Variants in SLC24A2 observed in about 807,000 individuals in gnomAD.
SLC24A2 encodes solute carrier family 24 member 2.
A neutral mutation model predicts 62.0 loss-of-function variants in SLC24A2; 36 were observed. That is an observed-to-expected ratio of 0.58 (90% CI 0.44 to 0.77). SLC24A2 has a LOEUF of 0.77. Ranked by LOEUF, SLC24A2 falls within the 30% of genes least tolerant of loss-of-function variation. The pLI, the probability that SLC24A2 is intolerant of heterozygous loss-of-function variation, is 0.00. For missense variants in SLC24A2, 846 were observed against 817.9 expected, an observed-to-expected ratio of 1.03 and a Z score of -0.42; for synonymous variants, 358 against 294.0, an observed-to-expected ratio of 1.22 and a Z score of -2.23.
intron 2 of SLC24A2, among the ~76,000 whole-genome samples, chr9:19,703,367 G>A (rs1166181767): frequency 6.6e-6 from 1 of 152,108 alleles, no homozygotes; most frequent in African/African-American, 2.4e-5. Context: ...TTTCTCTATT[G>A]CACTCAAACC....
chr9:20,050,771 C>T, the SLC24A2 span, among the ~76,000 whole-genome samples: 1 of 152,140 alleles, frequency 6.6e-6, no homozygotes, highest in Non-Finnish European at 1.5e-5. Context: ...TTTTCACTAA[C>T]AACACACAAT....
the SLC24A2 span, among the ~76,000 whole-genome samples, chr9:20,166,096 T>A: frequency 1.3e-5 from 2 of 151,876 alleles, no homozygotes; most frequent in Admixed American, 1.3e-4. Flanking sequence ...TTATCACCCA[T>A]CAGATTGGCA....
At chr9:19,615,775 C>T (rs1313520387) in intron 4 of SLC24A2, among the ~76,000 whole-genome samples, 1 of 152,174 alleles carries the variant, frequency 6.6e-6, no homozygotes, top group Non-Finnish European at 1.5e-5. Context: ...TGTAGCACAG[C>T]TCCACAAGGG....
the SLC24A2 span, among the ~76,000 whole-genome samples, chr9:20,073,694 C>A: frequency 2.6e-5 from 4 of 152,036 alleles, no homozygotes; most frequent in East Asian, 7.7e-4. Context: ...TCACCATTTC[C>A]ATTTTTTCCA....
the SLC24A2 span, among the ~76,000 whole-genome samples, chr9:20,104,823 T>C: frequency 6.6e-6 from 1 of 152,176 alleles, no homozygotes; most frequent in South Asian, 2.1e-4. Context: ...AACATCATAA[T>C]GACAGGATCA....
Position 19,550,060 on chromosome 9 carries a change from C to T in SLC24A2, c.1479+77G>A, listed in dbSNP as rs1268225685. 8 of 1,478,288 alleles carry T rather than the reference C, an allele frequency of 5.4e-6. No individual in the cohort carries two copies. The Admixed American group carries it at 6.7e-5, about 12-fold the overall frequency. The allele number at this position is 1,478,288 out of a possible 1,614,324, so 91.6% of individuals were successfully genotyped here. A position where few individuals can be genotyped will look rare whatever the true frequency, so the allele number is the denominator to read the frequency against. On this transcript the variant is annotated intron_variant, in intron 8 of 10. Transcript: ENST00000341998. ...GTGTACTTCCTTTTTCCTTTTAACA[C>T]AAACTGAAGCAGACTATGCACCCTG... is the stretch of plus-strand genomic sequence containing the variant.
chr9:20,253,958 G>A, the SLC24A2 span, among the ~76,000 whole-genome samples: 1 of 152,106 alleles, frequency 6.6e-6, no homozygotes, highest in East Asian at 1.9e-4. Flanking sequence ...GACCAATGAG[G>A]GAGAATGGTG....
chr9:19,944,782 C>T, the SLC24A2 span, among the ~76,000 whole-genome samples: 1 of 152,066 alleles, frequency 6.6e-6, no homozygotes, highest in African/African-American at 2.4e-5. Context: ...AGCCTTTTGT[C>T]ACTTAGATTT....
chr9:19,941,101 G>T, the SLC24A2 span, among the ~76,000 whole-genome samples: 1 of 152,146 alleles, frequency 6.6e-6, no homozygotes, highest in Non-Finnish European at 1.5e-5. Context: ...CTGGCTGAGA[G>T]GAGGAAAGAC....
the SLC24A2 span, among the ~76,000 whole-genome samples, chr9:19,902,879 C>A: frequency 6.6e-6 from 1 of 152,036 alleles, no homozygotes; most frequent in Non-Finnish European, 1.5e-5. Context: ...CATAGTAAAC[C>A]AATGTAGTTT....
At chr9:19,525,341 C>A (rs1188932178) in intron 9 of SLC24A2, among the ~76,000 whole-genome samples, 1 of 141,594 alleles carries the variant, frequency 7.1e-6, no homozygotes, top group African/African-American at 2.6e-5. Flanking sequence ...ACTCATTCAC[C>A]TTTTTAAAAA....
At chr9:20,079,051 G>GATAACCTTGAGAT in the SLC24A2 span, among the ~76,000 whole-genome samples, 2 of 143,346 alleles carry the variant, frequency 1.4e-5, no homozygotes, top group African/African-American at 4.9e-5. Flanking sequence ...ATATAATTAA[G>GATAACCTTGAGAT]AACCTTGAGA....
chr9:19,932,030 T>G, the SLC24A2 span, among the ~76,000 whole-genome samples: 2 of 152,136 alleles, frequency 1.3e-5, no homozygotes, highest in African/African-American at 4.8e-5. Context: ...GCCATCATGG[T>G]CAACAGCTGA....
At position 19,540,565 on chromosome 9, in the gene SLC24A2, C is replaced by T. The variant is rs1297591139; in HGVS notation, c.1479+9572G>A. Among the ~76,000 whole-genome samples the T allele has an allele frequency of 6.8e-5, 10 of 146,414 alleles. No homozygotes were observed. In the South Asian group the frequency reaches 1.3e-3, roughly 19 times the overall value. On this transcript the variant is annotated intron_variant, in intron 8 of 10. Transcript: ENST00000341998. ...CTCTTCTGGCTTGTAGGGTTTCTGC[C>T]GAGAGATCCGCTGTTAGTCTGATGG...
At chr9:20,234,569 C>T in the SLC24A2 span, among the ~76,000 whole-genome samples, 8 of 152,220 alleles carry the variant, frequency 5.3e-5, no homozygotes, top group Non-Finnish European at 7.3e-5. Flanking sequence ...CCTTGGTTTT[C>T]AGCTCCATCA....
chr9:19,968,364 A>C, the SLC24A2 span, among the ~76,000 whole-genome samples: 1 of 152,214 alleles, frequency 6.6e-6, no homozygotes, highest in Non-Finnish European at 1.5e-5. Flanking sequence ...CACTATGCTA[A>C]ACTGTTTGCA....
the SLC24A2 span, among the ~76,000 whole-genome samples, chr9:19,975,267 A>G: frequency 6.6e-6 from 1 of 152,318 alleles, no homozygotes; most frequent in East Asian, 1.9e-4. Context: ...AACACTCCCT[A>G]GACATACTGA....
the SLC24A2 span, among the ~76,000 whole-genome samples, chr9:20,173,367 A>G: frequency 1.3e-5 from 2 of 152,088 alleles, no homozygotes; most frequent in Admixed American, 1.3e-4. Flanking sequence ...AGGGCATCCA[A>G]ATTAGCAAAG....
chr9:19,950,279 T>C, the SLC24A2 span, among the ~76,000 whole-genome samples: 7 of 152,346 alleles, frequency 4.6e-5, no homozygotes, highest in South Asian at 1.0e-3. Context: ...TCAGTTGGTA[T>C]AAAGCTATAG....
Sources: allele counts gnomAD v4.1 joint callset (sites outside exome capture counted in the v4.1 genomes callset), GRCh38; gene constraint gnomAD v4.1.1; transcripts MANE v1.5; gene names NCBI Gene and HGNC (gene_info 2026-07-23, HGNC 2026-07-21).